FILIP1L: variants seen among roughly 807,000 people sequenced by gnomAD.
FILIP1L encodes the protein filamin A-interacting protein 1-like.
Under a neutral mutation model 96.6 loss-of-function variants are expected in FILIP1L, and 55 were observed. The observed-to-expected ratio is 0.57, with a 90% CI of 0.46 to 0.71. The LOEUF (loss-of-function observed/expected upper bound fraction) is 0.71. Among genes scored for constraint, FILIP1L ranks in the 30% least tolerant of loss-of-function variants. The probability of loss-of-function intolerance (pLI) is 0.00; values close to 1 mark genes in which losing one functional copy is unlikely to be tolerated. For synonymous variants in FILIP1L, 467 were observed against 473.9 expected (o/e 0.99, Z 0.19); for missense variants, 1,304 against 1,321.2 (o/e 0.99, Z 0.20).
intron 1 of FILIP1L, among the ~76,000 whole-genome samples, chr3:99,943,628 C>T (rs1472000281): frequency 2.6e-5 from 4 of 151,846 alleles, no homozygotes; most frequent in South Asian, 2.1e-4. Context: ...CGCTTGAACC[C>T]GGGAGGTGGA....
chr3:100,060,306 T>G (rs2065539725), intron 1 of FILIP1L, among the ~76,000 whole-genome samples: 2 of 152,238 alleles, frequency 1.3e-5, no homozygotes, highest in South Asian at 4.2e-4. Context: ...GACTCTTGCC[T>G]TAGTACTTTA....
At chr3:100,051,003 T>C (rs1421494212) in intron 1 of FILIP1L, among the ~76,000 whole-genome samples, 1 of 152,200 alleles carries the variant, frequency 6.6e-6, no homozygotes, top group Non-Finnish European at 1.5e-5. Flanking sequence ...GGTAGCAGTT[T>C]CTTCTTGCAA....
intron 1 of FILIP1L, among the ~76,000 whole-genome samples, chr3:99,962,950 T>C (rs936087734): frequency 1.3e-5 from 2 of 152,246 alleles, no homozygotes; most frequent in Admixed American, 1.3e-4. Flanking sequence ...TATTCATCCA[T>C]ATTTCACATG....
At position 99,829,347 on chromosome 3, in the gene FILIP1L, C is replaced by G. The variant is rs1942601287; in HGVS notation, c.*1067G>C. Among the ~76,000 whole-genome samples, 1 of 152,182 alleles carries G rather than the reference C, an allele frequency of 6.6e-6. No individual in the cohort carries two copies. The highest frequency in any genetic ancestry group is 6.5e-5 in the Admixed American group (1 of 15,290). ...TGTCCACACTGAATTACAGGCACAC[C>G]TTTCTCTCAATTCAATGAGAGAGTT... On this transcript the variant is annotated 3_prime_UTR_variant, in exon 6 of 6. Transcript: ENST00000477258.
chr3:99,991,081 G>T (rs985233858), intron 1 of FILIP1L, among the ~76,000 whole-genome samples: 1 of 152,162 alleles, frequency 6.6e-6, no homozygotes, highest in Non-Finnish European at 1.5e-5. Flanking sequence ...CTGGGGGTCA[G>T]TCCTGACATA....
chr3:99,878,711 TATC>T (rs1205401535), intron 4 of FILIP1L, among the ~76,000 whole-genome samples: 1 of 152,226 alleles, frequency 6.6e-6, no homozygotes, highest in East Asian at 1.9e-4. Flanking sequence ...AAAATTAGAA[TATC>T]ATCACCATTT....
chr3:99,983,389 A>AATATTTATATATATAT, intron 1 of FILIP1L, among the ~76,000 whole-genome samples: 1 of 40,800 alleles, frequency 2.5e-5, no homozygotes, highest in South Asian at 7.0e-4. Context: ...TAAATAAATA[A>AATATTTATATATATAT]ATATATATAT....
chr3:100,105,764 A>G (rs1235967027), intron 1 of FILIP1L, among the ~76,000 whole-genome samples: 1 of 152,188 alleles, frequency 6.6e-6, no homozygotes, highest in Non-Finnish European at 1.5e-5. Context: ...TTAGAAGCCC[A>G]TGCTTCTTAC....
At chr3:99,863,398 G>A (rs809415) in intron 4 of FILIP1L, among the ~76,000 whole-genome samples, 1 of 151,940 alleles carries the variant, frequency 6.6e-6, no homozygotes, top group Non-Finnish European at 1.5e-5. Flanking sequence ...ACTCCTGTAC[G>A]TGGGGACTCA....
At chr3:100,109,481 T>G (rs1559760455) in intron 1 of FILIP1L, among the ~76,000 whole-genome samples, 5 of 152,128 alleles carry the variant, frequency 3.3e-5, no homozygotes, top group Admixed American at 2.0e-4. Flanking sequence ...TGTAGTCAGT[T>G]CCTCCCCTCA....
At position 99,858,769 on chromosome 3, in the gene FILIP1L, T is replaced by C. The variant is rs117493374; in HGVS notation, c.606-7699A>G. Among the ~76,000 whole-genome samples the C allele has an allele frequency of 2.6e-4, 40 of 152,310 alleles. 1 individual carries two copies. In the East Asian group the frequency reaches 7.5e-3, roughly 29 times the overall value. Reference sequence around the variant, plus strand: ...AAGGTTGTGTTATTATGAAGATATCTTCTTCACTCTCAAAGGGGGCCACAC... The same window carrying C: ...AAGGTTGTGTTATTATGAAGATATCCTCTTCACTCTCAAAGGGGGCCACAC... On this transcript the variant is annotated intron_variant, in intron 4 of 5. Transcript: ENST00000477258.
intron 3 of FILIP1L, among the ~76,000 whole-genome samples, chr3:99,929,356 T>A (rs1309844928): frequency 1.3e-5 from 2 of 152,246 alleles, no homozygotes; most frequent in Admixed American, 6.5e-5. Context: ...CTAAAATATA[T>A]GTTTTTAAAA....
chr3:100,028,599 AC>A (rs1382916980), intron 1 of FILIP1L, among the ~76,000 whole-genome samples: 5 of 152,208 alleles, frequency 3.3e-5, no homozygotes, highest in African/African-American at 7.2e-5. Flanking sequence ...ATATGTATTT[AC>A]CTAGTAGGCA....
intron 1 of FILIP1L, chr3:100,040,550 C>A (rs1412384811): frequency 6.6e-6 from 1 of 152,186 alleles, no homozygotes; most frequent in Non-Finnish European, 1.5e-5. Context: ...TGCTTTTTCC[C>A]CCCTTCCTTT....
chr3:99,953,665 T>A (rs1708241808), intron 1 of FILIP1L, among the ~76,000 whole-genome samples: 2 of 152,188 alleles, frequency 1.3e-5, no homozygotes, highest in African/African-American at 4.8e-5. Context: ...ATGCTATAAA[T>A]ATATTTGAAA....
intron 1 of FILIP1L, among the ~76,000 whole-genome samples, chr3:99,950,919 G>A (rs758311209): frequency 6.6e-6 from 1 of 152,108 alleles, no homozygotes; most frequent in African/African-American, 2.4e-5. Flanking sequence ...CTGGAGGGAG[G>A]GGAAGGCTGT....
intron 1 of FILIP1L, among the ~76,000 whole-genome samples, chr3:100,005,108 C>A (rs1709951522): frequency 6.6e-6 from 1 of 152,186 alleles, no homozygotes; most frequent in Admixed American, 6.5e-5. Context: ...GGAAAGCCAG[C>A]TAATTCATTC....
intron 1 of FILIP1L, among the ~76,000 whole-genome samples, chr3:99,961,180 C>G (rs950744719): frequency 2.0e-5 from 3 of 152,196 alleles, no homozygotes; most frequent in African/African-American, 7.2e-5. Flanking sequence ...GTTAAATTGC[C>G]TCTTCCAGGA....
At chr3:99,950,130 T>G (rs1708132273) in intron 1 of FILIP1L, among the ~76,000 whole-genome samples, 1 of 152,214 alleles carries the variant, frequency 6.6e-6, no homozygotes, top group Non-Finnish European at 1.5e-5. Flanking sequence ...AGGTAAAGTT[T>G]ATAAAGCACA....
Sources: allele counts gnomAD v4.1 joint callset (sites outside exome capture counted in the v4.1 genomes callset), GRCh38; gene constraint gnomAD v4.1.1; transcripts MANE v1.5; gene names NCBI Gene and HGNC (gene_info 2026-07-23, HGNC 2026-07-21).